FARP2: variants seen among roughly 807,000 people sequenced by gnomAD.
FARP2 encodes the protein FERM, ARHGEF and pleckstrin domain-containing protein 2.
In FARP2, 111 loss-of-function variants were observed where a neutral mutation model predicts 130.5. The observed-to-expected ratio is 0.85, with a 90% CI of 0.73 to 1.00. The LOEUF is 1.00. FARP2 is among the 50% of genes least tolerant of loss of function. The pLI, the probability that FARP2 is intolerant of heterozygous loss-of-function variation, is 0.00. For synonymous variants in FARP2, 504 were observed against 516.9 expected, an observed-to-expected ratio of 0.98 and a Z score of 0.34; for missense variants, 1,385 against 1,346.3, an observed-to-expected ratio of 1.03 and a Z score of -0.45.
chr2:241,476,635 A>G (rs1167090264), intron 19 of FARP2, among the ~76,000 whole-genome samples: 1 of 152,080 alleles, frequency 6.6e-6, no homozygotes, highest in Non-Finnish European at 1.5e-5. Flanking sequence ...GTTGCAGTGA[A>G]CCAAGATCAC....
rs577137753 is a variant in FARP2, at chr2:241,394,379, G to A, written c.184-9449G>A. 7.2e-5 allele frequency among the ~76,000 whole-genome samples: 11 copies of A among 152,206 alleles called. No homozygotes were observed. The South Asian group carries it at 2.1e-3, about 29-fold the overall frequency. On this transcript the variant is annotated intron_variant, in intron 2 of 26. Transcript: ENST00000264042. ...TAAAAATACAAAAAAATAGCTGGGC[G>A]TGATGGCGGGCACCTGTAGTCCCAG...
rs150156262 is a variant in FARP2 at position 241,370,896 on chromosome 2, T to C, written c.-24-2188T>C. Among the ~76,000 whole-genome samples the C allele has an allele frequency of 3.3e-5, 5 of 152,330 alleles. No homozygotes were observed. In the East Asian group the frequency reaches 9.6e-4, roughly 29 times the overall value. On this transcript the variant is annotated intron_variant, in intron 1 of 26. Coordinates refer to ENST00000264042, the MANE Select transcript of FARP2 (RefSeq NM_014808.4). ...AGCATCCAGCATGGAGAAAGACAGC[T>C]GAAGATGATGGGTAACTGCCAACCT...
chr2:241,429,465 C>T (rs1353813529), intron 8 of FARP2, among the ~76,000 whole-genome samples: 1 of 152,104 alleles, frequency 6.6e-6, no homozygotes, highest in African/African-American at 2.4e-5. Flanking sequence ...GGCTCACTGC[C>T]TAGGTGAGAA....
At chr2:241,373,058 T>A in intron 1 of FARP2, 26 bp from the exon 2 acceptor site, 1 of 1,168,328 alleles carries the variant, frequency 8.6e-7, no homozygotes. Flanking sequence ...AATTCCTTCA[T>A]GTGGTTTTTT....
At chr2:241,427,033 G>A (rs1171895896) in intron 8 of FARP2, among the ~76,000 whole-genome samples, 1 of 152,076 alleles carries the variant, frequency 6.6e-6, no homozygotes, top group African/African-American at 2.4e-5. Flanking sequence ...TCACAAGTTC[G>A]AGACCAGCCT....
chr2:241,359,039 A>T (rs1483011286), intron 1 of FARP2, among the ~76,000 whole-genome samples: 1 of 152,234 alleles, frequency 6.6e-6, no homozygotes, highest in East Asian at 1.9e-4. Context: ...GCTGAATCCC[A>T]TCCTCCCATC....
intron 21 of FARP2, 191 bp from the exon 22 acceptor site, chr2:241,489,771 T>TG: frequency 1.9e-6 from 1 of 536,916 alleles, no homozygotes; most frequent in Non-Finnish European, 3.3e-6. Context: ...GCTCACCCCC[T>TG]GGGGTGCAGC....
chr2:241,394,820 G>T (rs993100116), intron 2 of FARP2, among the ~76,000 whole-genome samples: 4 of 152,114 alleles, frequency 2.6e-5, no homozygotes, highest in Non-Finnish European at 5.9e-5. Flanking sequence ...TCTCATCTGT[G>T]GTCTTACTTT....
intron 2 of FARP2, among the ~76,000 whole-genome samples, chr2:241,378,453 C>G (rs913941610): frequency 7.2e-6 from 1 of 138,962 alleles, no homozygotes; most frequent in Non-Finnish European, 1.5e-5. Context: ...ACTCTGTCAC[C>G]CAGACTGGAG....
In FARP2 at chr2:241,463,880, TTTG is replaced by T; in HGVS notation, c.1812-16_1812-14del. 6.2e-7 allele frequency: 1 copy of T among 1,608,668 alleles called. No homozygotes were observed. Among genetic ancestry groups the T allele is most frequent in the South Asian group, 1.1e-5 (1 of 90,672 alleles). On this transcript the variant is annotated splice_polypyrimidine_tract_variant and intron_variant, in intron 16 of 26. Coordinates refer to ENST00000264042, the MANE Select transcript of FARP2 (RefSeq NM_014808.4). ...AAGCTTTCACCATGTTTAGGATGAC[TTTG>T]TTTCTTTTTACTCAGGGAAGGGCCC...
At chr2:241,414,071 T>C (rs1433001274) in intron 7 of FARP2, among the ~76,000 whole-genome samples, 4 of 152,110 alleles carry the variant, frequency 2.6e-5, no homozygotes, top group Non-Finnish European at 5.9e-5. Flanking sequence ...GAAAGAGTCC[T>C]CTACGGGGAA....
chr2:241,441,688 G>T, intron 13 of FARP2, 132 bp downstream of exon 13: 1 of 1,313,180 alleles, frequency 7.6e-7, no homozygotes, highest in Non-Finnish European at 1.1e-6. Context: ...TGACAATGGT[G>T]GGGATGACTT....
chr2:241,456,731 C>G lies in FARP2; in HGVS notation c.1412-16C>G. On this transcript the variant is annotated splice_polypyrimidine_tract_variant and intron_variant, in intron 13 of 26. Transcript: ENST00000264042. ...TTCTCATTTCTCGCTCCATCCCCCT[C>G]CCCGTTCATTTCCAGGCCTTTCCAC... is the stretch of plus-strand genomic sequence containing the variant. 1 of 1,613,984 alleles carries G rather than the reference C, an allele frequency of 6.2e-7. No homozygotes were observed. Among genetic ancestry groups the G allele is most frequent in the South Asian group, 1.1e-5 (1 of 91,064 alleles).
chr2:241,473,738 C>T (rs150981037), intron 18 of FARP2, among the ~76,000 whole-genome samples: 2 of 152,272 alleles, frequency 1.3e-5, no homozygotes, highest in African/African-American at 2.4e-5. Flanking sequence ...AGGGCTCAGA[C>T]CCAAGTGCTT....
chr2:241,449,830 C>G (rs1039756566), intron 13 of FARP2, among the ~76,000 whole-genome samples: 1 of 151,996 alleles, frequency 6.6e-6, no homozygotes, highest in African/African-American at 2.4e-5. Flanking sequence ...AACCCCATCT[C>G]TACTAAAAAT....
chr2:241,419,122 T>C (rs958530977), intron 8 of FARP2, among the ~76,000 whole-genome samples: 1 of 152,248 alleles, frequency 6.6e-6, no homozygotes, highest in African/African-American at 2.4e-5. Flanking sequence ...ATGTTTATTA[T>C]TGTTTTCTTT....
intron 22 of FARP2, among the ~76,000 whole-genome samples, chr2:241,490,661 T>G (rs2064867616): frequency 6.6e-6 from 1 of 152,220 alleles, no homozygotes. Flanking sequence ...GCTCTGACTC[T>G]GCAGCGCCCT....
intron 17 of FARP2, among the ~76,000 whole-genome samples, chr2:241,467,464 G>A (rs1260495684): frequency 1.3e-5 from 2 of 151,896 alleles, no homozygotes; most frequent in Non-Finnish European, 2.9e-5. Flanking sequence ...TGGGCAACAT[G>A]GTGAGACCCC....
chr2:241,383,250 A>G (rs1450085468), intron 2 of FARP2, among the ~76,000 whole-genome samples: 1 of 152,224 alleles, frequency 6.6e-6, no homozygotes, highest in African/African-American at 2.4e-5. Flanking sequence ...GGGGAGCTCA[A>G]CAGTGGACAA....
Sources: gnomAD v4.1 joint callset for allele counts (sites outside exome capture counted in the v4.1 genomes callset) on GRCh38, gnomAD v4.1.1 for gene constraint, MANE v1.5 for transcripts, NCBI Gene and HGNC (gene_info 2026-07-23, HGNC 2026-07-21) for gene names.